Variants in AMBRA1 observed in about 807,000 individuals in gnomAD.
AMBRA1 encodes the protein autophagy and beclin 1 regulator 1.
AMBRA1 carries 47 observed loss-of-function variants against 125.4 expected under a neutral mutation model. The observed-to-expected ratio is 0.37, with a 90% CI of 0.30 to 0.48. The LOEUF (loss-of-function observed/expected upper bound fraction) is 0.48, where lower values mean the gene tolerates loss of function less well. AMBRA1 is among the 20% of genes least tolerant of loss of function. The probability of loss-of-function intolerance (pLI) is 0.99; values close to 1 mark genes in which losing one functional copy is unlikely to be tolerated. For synonymous variants in AMBRA1, 626 were observed against 655.5 expected, an observed-to-expected ratio of 0.95 and a Z score of 0.69; for missense variants, 1,331 against 1,693.4, an observed-to-expected ratio of 0.79 and a Z score of 3.76.
chr11:46,550,093 A>T (rs959022716), intron 1 of AMBRA1, among the ~76,000 whole-genome samples: 1 of 152,210 alleles, frequency 6.6e-6, no homozygotes, highest in African/African-American at 2.4e-5. Context: ...TGCTGGGATT[A>T]CAGGTGTGAG....
At chr11:46,434,791 T>C in intron 13 of AMBRA1, 58 bp downstream of exon 13, 1 of 1,509,864 alleles carries the variant, frequency 6.6e-7, no homozygotes, top group Non-Finnish European at 8.9e-7. Context: ...CACCTAGCAA[T>C]GACCATGCCA....
At chr11:46,413,242 C>T (rs547819134) in intron 15 of AMBRA1, among the ~76,000 whole-genome samples, 3 of 152,310 alleles carry the variant, frequency 2.0e-5, no homozygotes, top group Admixed American at 1.3e-4. Context: ...CTGAAGAGGT[C>T]CACTGCCAAC....
At chr11:46,461,975 T>G (rs184276359) in intron 11 of AMBRA1, among the ~76,000 whole-genome samples, 1 of 152,314 alleles carries the variant, frequency 6.6e-6, no homozygotes, top group African/African-American at 2.4e-5. Flanking sequence ...CCCCCCACTA[T>G]CTAGACTCCT....
intron 1 of AMBRA1, among the ~76,000 whole-genome samples, chr11:46,588,189 G>T (rs1017922092): frequency 2.0e-5 from 3 of 151,760 alleles, no homozygotes; most frequent in African/African-American, 7.3e-5. Context: ...AAAATTAGCT[G>T]GGCCTGGTGG....
intron 9 of AMBRA1, among the ~76,000 whole-genome samples, chr11:46,507,644 T>G (rs1951101492): frequency 6.6e-6 from 1 of 152,136 alleles, no homozygotes; most frequent in Admixed American, 6.5e-5. Context: ...AGACAACTTT[T>G]TAAGGTTCCT....
At chr11:46,520,885 G>A (rs968178249) in intron 7 of AMBRA1, among the ~76,000 whole-genome samples, 3 of 151,904 alleles carry the variant, frequency 2.0e-5, no homozygotes, top group East Asian at 1.9e-4. Context: ...GATTACAGGC[G>A]TGAGCCACCG....
chr11:46,406,929 C>A (rs1472598485), intron 17 of AMBRA1, among the ~76,000 whole-genome samples: 15 of 151,194 alleles, frequency 9.9e-5, no homozygotes, highest in Admixed American at 9.9e-4. Context: ...GCCTTTAATC[C>A]CAGCACTTTG....
chr11:46,556,812 G>T (rs1221457217), intron 1 of AMBRA1, among the ~76,000 whole-genome samples: 2 of 152,146 alleles, frequency 1.3e-5, no homozygotes, highest in Admixed American at 1.3e-4. Context: ...TAGAATAATA[G>T]CTTCATTCTG....
rs759933770 is a variant in AMBRA1, at chr11:46,418,052, T to C, written c.2977A>G (p.Arg993Gly). ...ATGGGATAAAGGACGTTGAAAACTC[T>C]CTAGGTAGAGGAAAAGAGGGAAAAA... ...QAHGGETSMR[R>G]VFNVLYPMPA... is the part of the protein sequence containing the mutation. Residue 993 changes from arginine to glycine, a missense_variant and splice_region_variant, in exon 15 of 18, where the codon AGA (arginine) becomes GGA (glycine). Around this residue, in one of 4 missense-constraint regions of AMBRA1, gnomAD observed 354 missense variants for 532.7 expected, o/e 0.66. Coordinates refer to ENST00000683756, the MANE Select transcript of AMBRA1 (RefSeq NM_001387011.1). The C allele has an allele frequency of 1.3e-6, 2 of 1,567,010 alleles. No homozygotes were observed. Among genetic ancestry groups the C allele is most frequent in the Non-Finnish European group, 1.7e-6 (2 of 1,148,348 alleles).
rs967293397 is a variant in AMBRA1, at chr11:46,525,746, G to A, written c.2073-12933C>T. Among the ~76,000 whole-genome samples the A allele has an allele frequency of 7.3e-5, 11 of 150,634 alleles. No homozygotes were observed. In the South Asian group the frequency reaches 1.0e-3, roughly 14 times the overall value. ...AGCCTGGGCAACAGAGCAAGACTCC[G>A]TCTCAAAAAAAAAAAAATTAGCCAG... On this transcript the variant is annotated intron_variant, in intron 7 of 17. Transcript: ENST00000683756.
intron 15 of AMBRA1, among the ~76,000 whole-genome samples, chr11:46,416,972 G>A (rs1252563452): frequency 1.3e-5 from 2 of 152,236 alleles, no homozygotes; most frequent in Non-Finnish European, 2.9e-5. Context: ...GGGAAGGGGT[G>A]TCATCAGGAC....
In AMBRA1 at chr11:46,410,289, T is replaced by C. The variant is rs900564623; in HGVS notation, c.3196A>G (p.Ser1066Gly). 3 of 1,613,844 alleles carry C rather than the reference T, an allele frequency of 1.9e-6. No individual in the cohort carries two copies. Among genetic ancestry groups the C allele is most frequent in the Non-Finnish European group, 2.5e-6 (3 of 1,179,872 alleles). The change falls in exon 16 of 18, where the codon AGC becomes GGC. Residue 1066 changes from serine to glycine, a missense_variant. Physicochemically the swap from Ser to Gly is moderately conservative, Grantham distance 56. This residue lies in a region of AMBRA1 where 354 missense variants were observed against 532.7 expected (regional missense o/e 0.66). Transcript: ENST00000683756. ...TCCCAAACATACCCAGGCCGCTCGC[T>C]GCTCCTGCTGTTGGAATGGACAGTG... ...VFTVHSNSRS[S>G]ERPGTSRATW...
chr11:46,400,919 C>T (rs1945723677), intron 17 of AMBRA1, among the ~76,000 whole-genome samples: 1 of 152,198 alleles, frequency 6.6e-6, no homozygotes, highest in Admixed American at 6.5e-5. Context: ...GGCTCCAGCT[C>T]CCAGGGCAGA....
At chr11:46,568,629 G>A (rs982596794) in intron 1 of AMBRA1, among the ~76,000 whole-genome samples, 6 of 150,836 alleles carry the variant, frequency 4.0e-5, no homozygotes, top group African/African-American at 1.2e-4. Context: ...AAAATAAGCC[G>A]GGCGTGGTGG....
At chr11:46,445,244 G>T (rs566322172) in intron 11 of AMBRA1, among the ~76,000 whole-genome samples, 1 of 152,030 alleles carries the variant, frequency 6.6e-6, no homozygotes, top group Non-Finnish European at 1.5e-5. Flanking sequence ...TGGAATAAAG[G>T]CTAAAACAAA....
chr11:46,547,955 C>G, intron 2 of AMBRA1, 80 bp from the exon 3 acceptor site: 1 of 1,476,720 alleles, frequency 6.8e-7, no homozygotes, highest in Non-Finnish European at 9.2e-7. Flanking sequence ...GCACATTAAC[C>G]ATTCTAGATT....
At chr11:46,508,039 C>A (rs548357950) in intron 9 of AMBRA1, 152 bp downstream of exon 9, 14 of 824,032 alleles carry the variant, frequency 1.7e-5, no homozygotes, top group Non-Finnish European at 2.6e-5. Context: ...GGCATCTTAA[C>A]CCTCTGTCCC....
chr11:46,548,635 C>T, intron 1 of AMBRA1, 135 bp from the exon 2 acceptor site: 1 of 453,640 alleles, frequency 2.2e-6, no homozygotes, highest in Non-Finnish European at 3.9e-6. Flanking sequence ...ACCCTTCCTC[C>T]CAGAATTTTT....
chr11:46,583,805 A>T (rs1411611359), intron 1 of AMBRA1, among the ~76,000 whole-genome samples: 2 of 151,236 alleles, frequency 1.3e-5, no homozygotes, highest in Non-Finnish European at 3.0e-5. Context: ...GAGAAATGCA[A>T]ATCAAAACCA....
Sources: allele counts gnomAD v4.1 joint callset (sites outside exome capture counted in the v4.1 genomes callset), GRCh38; gene constraint gnomAD v4.1.1; regional missense constraint gnomAD v4.1.1; transcripts MANE v1.5; gene names NCBI Gene and HGNC (gene_info 2026-07-23, HGNC 2026-07-21).